HS3ST2: variants seen among roughly 807,000 people sequenced by gnomAD.
HS3ST2 encodes heparan sulfate glucosamine 3-O-sulfotransferase 2.
Under a neutral mutation model 26.3 loss-of-function variants are expected in HS3ST2, and 17 were observed. The observed-to-expected ratio is 0.65, with a 90% confidence interval of 0.44 to 0.97. HS3ST2 has a LOEUF of 0.97. Among genes scored for constraint, HS3ST2 ranks in the 50% least tolerant of loss-of-function variants. The probability of loss-of-function intolerance (pLI) is 0.00; values close to 1 mark genes in which losing one functional copy is unlikely to be tolerated. For synonymous variants in HS3ST2, 237 were observed against 219.2 expected (o/e 1.08, Z -0.72); for missense variants, 402 against 501.2 (o/e 0.80, Z 1.89).
chr16:22,885,582 A>G (rs1421346185), intron 1 of HS3ST2, among the ~76,000 whole-genome samples: 1 of 151,250 alleles, frequency 6.6e-6, no homozygotes, highest in Non-Finnish European at 1.5e-5. Context: ...CAGCCTCCCG[A>G]GTAGCTGGGA....
intron 1 of HS3ST2, among the ~76,000 whole-genome samples, chr16:22,908,707 T>C (rs1315758818): frequency 6.6e-6 from 1 of 152,204 alleles, no homozygotes; most frequent in African/African-American, 2.4e-5. Context: ...ACATTAATCC[T>C]TTAATTCATT....
At chr16:22,856,330 G>C (rs768309949) in intron 1 of HS3ST2, among the ~76,000 whole-genome samples, 2 of 152,186 alleles carry the variant, frequency 1.3e-5, no homozygotes, top group Non-Finnish European at 2.9e-5. Flanking sequence ...AATGTGCCAT[G>C]TAGACTGGTG....
intron 1 of HS3ST2, among the ~76,000 whole-genome samples, chr16:22,815,986 G>A (rs1005864402): frequency 2.0e-5 from 3 of 152,236 alleles, no homozygotes; most frequent in African/African-American, 7.2e-5. Flanking sequence ...TGCATAGACT[G>A]TCTATGCTTC....
Position 22,915,438 on chromosome 16 carries a change from G to A in HS3ST2, c.980G>A (p.Gly327Asp), listed in dbSNP as rs1263570724. 4 of 1,613,832 alleles carry A rather than the reference G, an allele frequency of 2.5e-6. No individual in the cohort carries two copies. The highest frequency in any genetic ancestry group is 3.3e-5 in the Admixed American group (2 of 59,952). ...TCGAGCCTCCTGCCTCGATGCTTGG[G>A]CAAATCAAAAGGGAGAACTCATGTA... is the stretch of plus-strand genomic sequence containing the variant. Reference protein sequence around the residue: ...TESSLLPRCLGKSKGRTHVQI... With the variant: ...TESSLLPRCLDKSKGRTHVQI... The change falls in exon 2 of 2, where the codon GGC becomes GAC. Residue 327 changes from glycine to aspartate, a missense_variant. Transcript: ENST00000261374.
intron 1 of HS3ST2, among the ~76,000 whole-genome samples, chr16:22,856,563 C>T (rs1336018227): frequency 6.6e-6 from 1 of 152,182 alleles, no homozygotes; most frequent in African/African-American, 2.4e-5. Context: ...AAACACATAA[C>T]CTCCACTAAG....
chr16:22,890,465 A>G lies in HS3ST2; in HGVS notation c.486-24479A>G, dbSNP rs79293810. Among the ~76,000 whole-genome samples the G allele has an allele frequency of 1.9e-3, 283 of 152,334 alleles. 2 individuals are homozygous for G. Among genetic ancestry groups the G allele is most frequent in the Middle Eastern group, 6.8e-3 (2 of 294 alleles). On this transcript the variant is annotated intron_variant, in intron 1 of 1. Coordinates refer to ENST00000261374, the MANE Select transcript of HS3ST2 (RefSeq NM_006043.2). ...TGTGATTGCTTTTATCTTGCTGTTA[A>G]AGCTTTCTTTAAAGAGATCCCAGTT...
rs184905670 is a variant in HS3ST2, at chr16:22,878,199, T to C, written c.486-36745T>C. ...TGATGTCTTAAACTTCTGTCATTCA[T>C]GTAGCCCCTTAGTGATTTTCTTCAT... On this transcript the variant is annotated intron_variant, in intron 1 of 1. Transcript: ENST00000261374. 1.2e-3 allele frequency among the ~76,000 whole-genome samples: 184 copies of C among 152,396 alleles called. 1 individual carries two copies. Among genetic ancestry groups the C allele is most frequent in the African/African-American group, 4.2e-3 (176 of 41,598 alleles).
At chr16:22,816,376 A>T (rs1324600615) in intron 1 of HS3ST2, among the ~76,000 whole-genome samples, 1 of 152,226 alleles carries the variant, frequency 6.6e-6, no homozygotes, top group Non-Finnish European at 1.5e-5. Flanking sequence ...AGAGGACCCC[A>T]CTGGGCTTAT....
At position 22,846,579 on chromosome 16, in the gene HS3ST2, T is replaced by C. The variant is rs1035794727; in HGVS notation, c.485+31484T>C. 3.9e-5 allele frequency among the ~76,000 whole-genome samples: 6 copies of C among 152,268 alleles called. No individual in the cohort carries two copies. The South Asian group carries it at 6.2e-4, about 16-fold the overall frequency. ...TAATCAGACATTAAAATTACCACCA[T>C]TTGAGTTGTCATTTCACACCGATTA... On this transcript the variant is annotated intron_variant, in intron 1 of 1. Transcript: ENST00000261374.
chr16:22,847,918 G>A (rs1001934626), intron 1 of HS3ST2, among the ~76,000 whole-genome samples: 4 of 149,846 alleles, frequency 2.7e-5, no homozygotes, highest in Non-Finnish European at 5.9e-5. Context: ...AAGAAGGAAG[G>A]AAGAAAAGGA....
chr16:22,855,126 C>A (rs760919522), intron 1 of HS3ST2, among the ~76,000 whole-genome samples: 5 of 152,154 alleles, frequency 3.3e-5, no homozygotes, highest in Non-Finnish European at 7.3e-5. Flanking sequence ...ATTTTCCAAA[C>A]CACATTTTTC....
intron 1 of HS3ST2, among the ~76,000 whole-genome samples, chr16:22,898,783 T>A (rs935867973): frequency 2.6e-5 from 4 of 152,170 alleles, no homozygotes; most frequent in African/African-American, 9.7e-5. Flanking sequence ...ATGAATTATA[T>A]GTAGGCAGCT....
Position 22,819,186 on chromosome 16 carries a change from C to T in HS3ST2, c.485+4091C>T, listed in dbSNP as rs995387808. On this transcript the variant is annotated intron_variant, in intron 1 of 1. Coordinates refer to ENST00000261374, the MANE Select transcript of HS3ST2 (RefSeq NM_006043.2). ...TTCCTTCCTTCCCTCCTTCCTTCCT[C>T]CCTTCCTCCCTTCCTTTTCTCTTTC... 3.9e-3 allele frequency among the ~76,000 whole-genome samples: 503 copies of T among 129,322 alleles called. 5 individuals are homozygous for T. Among genetic ancestry groups the T allele is most frequent in the African/African-American group, 0.014 (486 of 34,762 alleles). 84.8% of individuals were successfully genotyped at this position (129,322 alleles called of 152,430 possible). A position where few individuals can be genotyped will look rare whatever the true frequency, so the allele number is the denominator to read the frequency against.
At chr16:22,912,351 G>A (rs892983280) in intron 1 of HS3ST2, among the ~76,000 whole-genome samples, 1 of 152,202 alleles carries the variant, frequency 6.6e-6, no homozygotes, top group African/African-American at 2.4e-5. Context: ...AGAACTGCGA[G>A]GCCAGGGTAT....
At chr16:22,895,224 G>A (rs1902193647) in intron 1 of HS3ST2, among the ~76,000 whole-genome samples, 2 of 151,930 alleles carry the variant, frequency 1.3e-5, no homozygotes, top group Admixed American at 6.6e-5. Flanking sequence ...CGAGTAGCTG[G>A]GATTACAGGC....
chr16:22,884,897 C>T (rs552260637), intron 1 of HS3ST2, among the ~76,000 whole-genome samples: 9 of 149,694 alleles, frequency 6.0e-5, no homozygotes, highest in Non-Finnish European at 1.0e-4. Flanking sequence ...CTGGAGTGCA[C>T]TGGCATGATC....
At chr16:22,841,946 C>T (rs1452726190) in intron 1 of HS3ST2, among the ~76,000 whole-genome samples, 1 of 151,952 alleles carries the variant, frequency 6.6e-6, no homozygotes, top group African/African-American at 2.4e-5. Context: ...TCTGAACTTT[C>T]CTATTGCTGT....
intron 1 of HS3ST2, among the ~76,000 whole-genome samples, chr16:22,821,302 A>C (rs1596602841): frequency 6.6e-6 from 1 of 151,634 alleles, no homozygotes; most frequent in Non-Finnish European, 1.5e-5. Context: ...AGCAGAGTCA[A>C]TGCTCAACAG....
Position 22,915,867 on chromosome 16 carries a change from C to A in HS3ST2, c.*305C>A, listed in dbSNP as rs1406640129. On this transcript the variant is annotated 3_prime_UTR_variant, in exon 2 of 2. Transcript: ENST00000261374. ...AATTGCTTTAAGAAGAGTGAATGTT[C>A]CAATGATGATAGATATTATAAGCGA... is the stretch of plus-strand genomic sequence containing the variant. The A allele has an allele frequency of 2.7e-6, 1 of 375,686 alleles. No homozygotes were observed. Among genetic ancestry groups the A allele is most frequent in the Non-Finnish European group, 4.8e-6 (1 of 208,930 alleles). 23.3% of individuals were successfully genotyped at this position (375,686 alleles called of 1,614,324 possible). A position where few individuals can be genotyped will look rare whatever the true frequency, so the allele number is the denominator to read the frequency against.
Sources: gnomAD v4.1 joint callset for allele counts (sites outside exome capture counted in the v4.1 genomes callset) on GRCh38, gnomAD v4.1.1 for gene constraint, MANE v1.5 for transcripts, NCBI Gene and HGNC (gene_info 2026-07-23, HGNC 2026-07-21) for gene names.